The following MAPKAP1 variants were observed in gnomAD, a reference collection of about 807,000 sequenced individuals.
The protein encoded by MAPKAP1 is MAPK associated protein 1.
Under a neutral mutation model 65.7 loss-of-function variants are expected in MAPKAP1, and 20 were observed. That is an observed-to-expected ratio of 0.30 (90% confidence interval 0.21 to 0.44). MAPKAP1 has a LOEUF of 0.44. Among genes scored for constraint, MAPKAP1 ranks in the 20% least tolerant of loss-of-function variants. The probability of loss-of-function intolerance (pLI) is 1.00; values close to 1 mark genes in which losing one functional copy is unlikely to be tolerated. For missense variants in MAPKAP1, 423 were observed against 648.0 expected (o/e 0.65, Z 3.77); for synonymous variants, 222 against 244.3 (o/e 0.91, Z 0.85).
intron 7 of MAPKAP1, among the ~76,000 whole-genome samples, chr9:125,541,299 G>A (rs1162550733): frequency 6.6e-6 from 1 of 152,160 alleles, no homozygotes; most frequent in Non-Finnish European, 1.5e-5. Flanking sequence ...GAGACAGAAG[G>A]AAAGATACTT....
intron 6 of MAPKAP1, among the ~76,000 whole-genome samples, chr9:125,545,654 T>C (rs1830401451): frequency 6.6e-6 from 1 of 152,360 alleles, no homozygotes; most frequent in South Asian, 2.1e-4. Flanking sequence ...CGTTTATCTT[T>C]TTCAGCAAAG....
At chr9:125,498,683 T>C (rs7022356) in intron 8 of MAPKAP1, among the ~76,000 whole-genome samples, 29,816 of 152,236 alleles carry the variant, frequency 0.2, 3,595 homozygotes, top group Non-Finnish European at 0.28. Context: ...TCCACCCTTA[T>C]GGCAAACAGA....
At chr9:125,499,239 C>A (rs1327251083) in intron 8 of MAPKAP1, among the ~76,000 whole-genome samples, 5 of 152,190 alleles carry the variant, frequency 3.3e-5, no homozygotes, top group African/African-American at 1.2e-4. Context: ...GATAGGGAGG[C>A]TGTTCTAATC....
chr9:125,580,053 T>C (rs925377663), intron 5 of MAPKAP1, among the ~76,000 whole-genome samples: 1 of 152,222 alleles, frequency 6.6e-6, no homozygotes, highest in Non-Finnish European at 1.5e-5. Context: ...CTGGAGAGGA[T>C]ATGGAGAAAT....
intron 7 of MAPKAP1, among the ~76,000 whole-genome samples, chr9:125,524,930 A>G (rs1829719858): frequency 6.6e-6 from 1 of 152,228 alleles, no homozygotes; most frequent in South Asian, 2.1e-4. Flanking sequence ...TCATTCCTAC[A>G]CGTGCACTCC....
chr9:125,705,836 TG>T (rs1431149879), intron 1 of MAPKAP1, among the ~76,000 whole-genome samples: 2 of 151,776 alleles, frequency 1.3e-5, no homozygotes, highest in Non-Finnish European at 2.9e-5. Context: ...CAAAAATCAA[TG>T]GAATAGGAAA....
intron 1 of MAPKAP1, among the ~76,000 whole-genome samples, chr9:125,676,255 GT>G (rs1372416161): frequency 6.6e-6 from 1 of 152,172 alleles, no homozygotes. Context: ...TCTAGGATTT[GT>G]TCTAAGGAGA....
At chr9:125,527,076 T>G (rs571361425) in intron 7 of MAPKAP1, among the ~76,000 whole-genome samples, 6 of 151,682 alleles carry the variant, frequency 4.0e-5, no homozygotes, top group African/African-American at 1.5e-4. Context: ...TTGTTTGTTT[T>G]TTTTGGGGGA....
chr9:125,621,687 C>A (rs537941027), intron 4 of MAPKAP1, among the ~76,000 whole-genome samples: 4 of 152,196 alleles, frequency 2.6e-5, no homozygotes. Context: ...CTCTACCTAA[C>A]TGAAGGCTGC....
intron 1 of MAPKAP1, among the ~76,000 whole-genome samples, chr9:125,674,367 T>A (rs1384008067): frequency 6.6e-6 from 1 of 152,216 alleles, no homozygotes; most frequent in Non-Finnish European, 1.5e-5. Flanking sequence ...TCGTGGCACA[T>A]AAAATAAGTC....
chr9:125,559,841 C>T (rs1830841293), intron 5 of MAPKAP1, 32 bp from the exon 6 acceptor site: 1 of 1,590,436 alleles, frequency 6.3e-7, no homozygotes, highest in Non-Finnish European at 8.6e-7. Flanking sequence ...CGAGTGAATA[C>T]CAAGGTAGGG....
At chr9:125,456,721 G>A (rs1040519552) in intron 10 of MAPKAP1, among the ~76,000 whole-genome samples, 4 of 152,296 alleles carry the variant, frequency 2.6e-5, no homozygotes, top group African/African-American at 9.6e-5. Flanking sequence ...AACTCTGCCA[G>A]CAACGACTCA....
chr9:125,661,287 A>G (rs1255506565), intron 3 of MAPKAP1, among the ~76,000 whole-genome samples: 1 of 152,222 alleles, frequency 6.6e-6, no homozygotes. Flanking sequence ...ATCAAGGAAA[A>G]TCACATCTTC....
chr9:125,467,109 G>T (rs1485522114), intron 10 of MAPKAP1, among the ~76,000 whole-genome samples: 4 of 152,176 alleles, frequency 2.6e-5, no homozygotes, highest in African/African-American at 9.7e-5. Context: ...CTACTAGGGT[G>T]GGCCCTCGGT....
chr9:125,487,750 TC>T (rs1338577127), intron 8 of MAPKAP1, among the ~76,000 whole-genome samples: 1 of 152,150 alleles, frequency 6.6e-6, no homozygotes, highest in Non-Finnish European at 1.5e-5. Context: ...TAATAAAGCA[TC>T]TTAGCTATAA....
At chr9:125,576,875 C>A (rs1184524442) in intron 5 of MAPKAP1, among the ~76,000 whole-genome samples, 9 of 152,008 alleles carry the variant, frequency 5.9e-5, no homozygotes, top group Admixed American at 4.6e-4. Context: ...GTTACAACCT[C>A]CACCTCCCAG....
intron 6 of MAPKAP1, among the ~76,000 whole-genome samples, chr9:125,548,902 G>C (rs1348638300): frequency 6.6e-6 from 1 of 152,162 alleles, no homozygotes; most frequent in Non-Finnish European, 1.5e-5. Flanking sequence ...CATTTGTCTG[G>C]AGTTATATAA....
At chr9:125,701,816 C>CTT (rs1835607911) in intron 1 of MAPKAP1, among the ~76,000 whole-genome samples, 1 of 152,192 alleles carries the variant, frequency 6.6e-6, no homozygotes, top group Non-Finnish European at 1.5e-5. Flanking sequence ...GGTCATCTCA[C>CTT]CAGCCAGATC....
chr9:125,653,294 A>G (rs1422272423), intron 4 of MAPKAP1, among the ~76,000 whole-genome samples: 12 of 152,258 alleles, frequency 7.9e-5, no homozygotes, highest in Non-Finnish European at 1.6e-4. Flanking sequence ...TAGAGCCTTC[A>G]TAAGAAAACG....
Sources: allele counts gnomAD v4.1 joint callset (sites outside exome capture counted in the v4.1 genomes callset), GRCh38; gene constraint gnomAD v4.1.1; transcripts MANE v1.5; gene names NCBI Gene and HGNC (gene_info 2026-07-23, HGNC 2026-07-21).